Variants in CDK6 observed in about 807,000 individuals in gnomAD.
CDK6 encodes the protein cyclin dependent kinase 6, also known as cyclin-dependent kinase 6.
A neutral mutation model predicts 37.1 loss-of-function variants in CDK6; 6 were observed. The ratio of observed to expected loss-of-function variants is 0.16; its 90% CI spans 0.09 to 0.32. CDK6 has a LOEUF of 0.32. Ranked by LOEUF, CDK6 falls within the 10% of genes least tolerant of loss-of-function variation. CDK6 has a pLI of 1.00. For missense variants in CDK6, 224 were observed against 418.9 expected (o/e 0.53, Z 4.06); for synonymous variants, 160 against 161.3 (o/e 0.99, Z 0.06).
intron 2 of CDK6, among the ~76,000 whole-genome samples, chr7:92,822,585 C>T (rs146655226): frequency 3.9e-4 from 59 of 152,136 alleles, no homozygotes; most frequent in African/African-American, 1.4e-3. Context: ...GGAGATAATG[C>T]GTGAGCAAAA....
chr7:92,632,834 T>C (rs1159467629), intron 5 of CDK6, among the ~76,000 whole-genome samples: 2 of 151,904 alleles, frequency 1.3e-5, no homozygotes, highest in Non-Finnish European at 2.9e-5. Flanking sequence ...TGTGGAAAAT[T>C]TGGAAAATAG....
At chr7:92,827,953 T>C (rs1801370010) in intron 2 of CDK6, among the ~76,000 whole-genome samples, 1 of 152,170 alleles carries the variant, frequency 6.6e-6, no homozygotes, top group Non-Finnish European at 1.5e-5. Flanking sequence ...TTAAGTATTA[T>C]GATGTTTTTA....
intron 4 of CDK6, among the ~76,000 whole-genome samples, chr7:92,720,804 C>T (rs1463855977): frequency 3.9e-5 from 6 of 152,156 alleles, no homozygotes; most frequent in African/African-American, 1.4e-4. Context: ...ATGAGAAGGA[C>T]TTAGAAATGT....
At chr7:92,615,411 T>G (rs1173452881) in intron 7 of CDK6, 125 bp from the exon 8 acceptor site, 1 of 724,184 alleles carries the variant, frequency 1.4e-6, no homozygotes, top group Non-Finnish European at 2.3e-6. Flanking sequence ...GAGTATTTAT[T>G]TAAAGGGACA....
intron 2 of CDK6, among the ~76,000 whole-genome samples, chr7:92,807,767 C>T (rs1468299120): frequency 6.6e-6 from 1 of 152,116 alleles, no homozygotes; most frequent in Non-Finnish European, 1.5e-5. Context: ...AAGGCCTTCT[C>T]TTATCTATCA....
At chr7:92,682,322 A>T (rs1233997587) in intron 4 of CDK6, among the ~76,000 whole-genome samples, 1 of 152,140 alleles carries the variant, frequency 6.6e-6, no homozygotes, top group East Asian at 1.9e-4. Flanking sequence ...CCCCCTTCAG[A>T]TGAAGGCTTT....
At chr7:92,801,922 C>T (rs892699296) in intron 2 of CDK6, among the ~76,000 whole-genome samples, 4 of 151,614 alleles carry the variant, frequency 2.6e-5, no homozygotes, top group Admixed American at 2.0e-4. Flanking sequence ...TGCGCCACCC[C>T]GCCTCTCTTT....
chr7:92,766,764 G>C (rs976374609), intron 3 of CDK6, among the ~76,000 whole-genome samples: 10 of 152,212 alleles, frequency 6.6e-5, no homozygotes, highest in Non-Finnish European at 1.5e-4. Context: ...TATACTACCT[G>C]CAAGTTTTAA....
chr7:92,639,984 A>G (rs1796264353), intron 5 of CDK6, among the ~76,000 whole-genome samples: 1 of 152,228 alleles, frequency 6.6e-6, no homozygotes, highest in African/African-American at 2.4e-5. Context: ...ATCCAAGGGT[A>G]TCTATCTCTC....
Position 92,618,075 on chromosome 7 carries a change from A to G in CDK6, c.831T>C (p.Leu277=), listed in dbSNP as rs1292505594. Residue 277 remains leucine, a synonymous_variant, in exon 7 of 8, where the codon CTT becomes CTC. Transcript: ENST00000424848. ...GCTTGACATCAGAAAAACTTACCAG[A>G]AGTAGGTCTTTGCCTAGTTCATCGA... The part of the protein sequence containing the change: ...TDIDELGKDL[L]LKCLTFNPAK... The G allele has an allele frequency of 1.1e-5, 18 of 1,613,878 alleles. No homozygotes were observed. The highest frequency in any genetic ancestry group is 1.3e-5 in the African/African-American group (1 of 74,916).
chr7:92,816,269 C>A (rs754499727), intron 2 of CDK6, among the ~76,000 whole-genome samples: 19 of 152,000 alleles, frequency 1.3e-4, no homozygotes, highest in Non-Finnish European at 2.5e-4. Context: ...TATGGAATAG[C>A]AGACAAAGAA....
At chr7:92,730,904 T>G (rs1022228113) in intron 3 of CDK6, among the ~76,000 whole-genome samples, 5 of 152,296 alleles carry the variant, frequency 3.3e-5, no homozygotes, top group Admixed American at 6.5e-5. Context: ...TACTCAGAAG[T>G]GGAATTGCTG....
intron 4 of CDK6, among the ~76,000 whole-genome samples, chr7:92,700,858 G>C (rs1393220651): frequency 6.6e-6 from 1 of 152,244 alleles, no homozygotes; most frequent in Non-Finnish European, 1.5e-5. Context: ...AGAGAAGCAT[G>C]CATGTACCCG....
intron 6 of CDK6, among the ~76,000 whole-genome samples, chr7:92,620,832 C>T (rs997748650): frequency 4.6e-5 from 7 of 152,056 alleles, no homozygotes; most frequent in South Asian, 2.1e-4. Flanking sequence ...TACTTGAGCT[C>T]GGAAGGCCAA....
At chr7:92,768,081 T>G (rs1161137793) in intron 3 of CDK6, among the ~76,000 whole-genome samples, 5 of 152,050 alleles carry the variant, frequency 3.3e-5, no homozygotes, top group Non-Finnish European at 7.4e-5. Context: ...TGAAAGAATC[T>G]TGGGACTCAG....
intron 5 of CDK6, among the ~76,000 whole-genome samples, chr7:92,630,529 C>G (rs892654609): frequency 6.6e-6 from 1 of 152,094 alleles, no homozygotes; most frequent in African/African-American, 2.4e-5. Context: ...GAAAATAAAT[C>G]TGAGTCAAAC....
intron 5 of CDK6, among the ~76,000 whole-genome samples, chr7:92,645,964 C>G (rs994543629): frequency 1.3e-5 from 2 of 152,174 alleles, no homozygotes; most frequent in African/African-American, 4.8e-5. Flanking sequence ...TTCATATAAT[C>G]CAACGGTGAT....
intron 4 of CDK6, 79 bp downstream of exon 4, chr7:92,725,547 A>C: frequency 3.5e-6 from 5 of 1,420,974 alleles, no homozygotes; most frequent in Non-Finnish European, 4.8e-6. Flanking sequence ...TACTAACATT[A>C]GAGACATGGA....
chr7:92,683,273 T>C (rs549068078), intron 4 of CDK6, among the ~76,000 whole-genome samples: 1 of 152,322 alleles, frequency 6.6e-6, no homozygotes, highest in Non-Finnish European at 1.5e-5. Flanking sequence ...AATTTAAAAA[T>C]TGGGTTTTTC....
Sources: gnomAD v4.1 joint callset for allele counts (sites outside exome capture counted in the v4.1 genomes callset) on GRCh38, gnomAD v4.1.1 for gene constraint, MANE v1.5 for transcripts, NCBI Gene and HGNC (gene_info 2026-07-23, HGNC 2026-07-21) for gene names.